Variants in SLCO1B1 observed in about 807,000 individuals in gnomAD.
The protein encoded by SLCO1B1 is OATP-2.
In SLCO1B1, 81 loss-of-function variants were observed where a neutral mutation model predicts 70.1. The observed-to-expected ratio is 1.16, with a 90% CI of 0.97 to 1.39. The LOEUF (loss-of-function observed/expected upper bound fraction) is 1.39, where lower values mean the gene tolerates loss of function less well. Ranked by LOEUF, SLCO1B1 falls within the 40% of genes most tolerant of loss-of-function variation. The pLI is 0.00. For missense variants in SLCO1B1, 895 were observed against 799.6 expected, an observed-to-expected ratio of 1.12 and a Z score of -1.44; for synonymous variants, 283 against 271.5, an observed-to-expected ratio of 1.04 and a Z score of -0.42.
At chr12:21,229,350 C>T (rs1371592123) in intron 14 of SLCO1B1, among the ~76,000 whole-genome samples, 1 of 152,166 alleles carries the variant, frequency 6.6e-6, no homozygotes, top group Non-Finnish European at 1.5e-5. Flanking sequence ...CAGTATTATA[C>T]AAAGTAGTTT....
rs960742177 is a variant in SLCO1B1 at position 21,200,569 on chromosome 12, G to C, written c.1032G>C (p.Leu344Phe). The change falls in exon 9 of 15, where the codon TTG (leucine) becomes TTC (phenylalanine). Residue 344 changes from leucine to phenylalanine, a missense_variant. Coordinates refer to ENST00000256958, the MANE Select transcript of SLCO1B1 (RefSeq NM_006446.5). ...TNPLYVMFVL[L>F]TLLQVSSYIG... ...CCCTGTATGTTATGTTTGTGCTTTT[G>C]ACGTTGTTACAAGTAAGCAGCTATA... 49 of 1,607,412 alleles carry C rather than the reference G, an allele frequency of 3.0e-5. No homozygotes were observed. The highest frequency in any genetic ancestry group is 4.1e-5 in the Non-Finnish European group (48 of 1,175,976).
At chr12:21,225,985 A>G (rs1010686429) in intron 14 of SLCO1B1, among the ~76,000 whole-genome samples, 5 of 152,252 alleles carry the variant, frequency 3.3e-5, no homozygotes, top group Admixed American at 3.3e-4. Context: ...GTCTTTCAAT[A>G]GGTGAATGGA....
intron 4 of SLCO1B1, among the ~76,000 whole-genome samples, chr12:21,175,823 G>A (rs940269259): frequency 4.6e-5 from 7 of 151,500 alleles, no homozygotes; most frequent in African/African-American, 1.7e-4. Flanking sequence ...TTCATGAGTT[G>A]TATGGAAAAT....
chr12:21,162,150 C>T (rs1484722446), intron 2 of SLCO1B1, among the ~76,000 whole-genome samples: 1 of 151,774 alleles, frequency 6.6e-6, no homozygotes, highest in Non-Finnish European at 1.5e-5. Context: ...TATGAATATA[C>T]ATGTGTACTT....
At position 21,238,993 on chromosome 12, in the gene SLCO1B1, G is replaced by T. The variant is rs1317719180; in HGVS notation, c.1880G>T (p.Gly627Val). Residue 627 changes from glycine to valine, a missense_variant, in exon 15 of 15, where the codon GGC becomes GTC. Coordinates refer to ENST00000256958, the MANE Select transcript of SLCO1B1 (RefSeq NM_006446.5). ...NSTSFSRVYL[G>V]LSSMLRVSSL... ...TATTTCTACAGAAGGGTCTACTTGG[G>T]CTTGTCTTCAATGTTAAGAGTCTCA... is the stretch of plus-strand genomic sequence containing the variant. 6.4e-7 allele frequency: 1 copy of T among 1,571,130 alleles called. No homozygotes were observed. The highest frequency in any genetic ancestry group is 2.2e-5 in the East Asian group (1 of 44,478).
intron 7 of SLCO1B1, among the ~76,000 whole-genome samples, chr12:21,195,728 T>C (rs1941084083): frequency 6.6e-6 from 1 of 152,182 alleles, no homozygotes; most frequent in Non-Finnish European, 1.5e-5. Context: ...CCCTAAGCTA[T>C]GGGCCAGGAG....
rs372872774 is a variant in SLCO1B1 at position 21,168,734 on chromosome 12, G to T, written c.85-3916G>T. 9.2e-5 allele frequency among the ~76,000 whole-genome samples: 14 copies of T among 152,182 alleles called. No individual in the cohort carries two copies. The South Asian group carries it at 1.0e-3, about 11-fold the overall frequency. ...CCTTGACCCATTTTTAAATTGGGTT[G>T]TTCTTTGTTGTTGTTTCCTTGGAAA... is the stretch of plus-strand genomic sequence containing the variant. On this transcript the variant is annotated intron_variant, in intron 2 of 14. Coordinates refer to ENST00000256958, the MANE Select transcript of SLCO1B1 (RefSeq NM_006446.5).
chr12:21,153,337 G>A (rs1940498058), intron 2 of SLCO1B1, among the ~76,000 whole-genome samples: 1 of 152,022 alleles, frequency 6.6e-6, no homozygotes, highest in Admixed American at 6.6e-5. Context: ...AATTCATTGT[G>A]ATTGCTTGAT....
intron 7 of SLCO1B1, 148 bp from the exon 8 acceptor site, chr12:21,196,798 C>T: frequency 1.4e-6 from 1 of 732,550 alleles, no homozygotes; most frequent in Non-Finnish European, 2.3e-6. Flanking sequence ...TAGACTGATC[C>T]TAGTCTCAGA....
intron 13 of SLCO1B1, among the ~76,000 whole-genome samples, chr12:21,223,051 G>T (rs571259957): frequency 3.3e-5 from 5 of 152,246 alleles, no homozygotes; most frequent in Non-Finnish European, 7.4e-5. Flanking sequence ...TCTACCTTCA[G>T]TTTCAATGGA....
rs1940333241 is a variant in SLCO1B1 at position 21,143,063 on chromosome 12, A to G, written c.84+1405A>G. ...TTTAAAATAATATTTTCACTCACTT[A>G]AATTGTTAACATTGATATGTTGTTG... On this transcript the variant is annotated intron_variant, in intron 2 of 14. Transcript: ENST00000256958. Among the ~76,000 whole-genome samples the G allele has an allele frequency of 1.3e-5, 2 of 152,102 alleles. 1 individual carries two copies. Among genetic ancestry groups the G allele is most frequent in the South Asian group, 4.1e-4 (2 of 4,834 alleles).
intron 7 of SLCO1B1, among the ~76,000 whole-genome samples, chr12:21,180,492 G>A (rs1000691): frequency 0.091 from 13,834 of 152,052 alleles, 1,029 homozygotes; most frequent in South Asian, 0.27. Flanking sequence ...TGACAGAATG[G>A]CATGTTCTTA....
At chr12:21,159,152 A>C (rs1188651729) in intron 2 of SLCO1B1, among the ~76,000 whole-genome samples, 1 of 152,176 alleles carries the variant, frequency 6.6e-6, no homozygotes, top group Admixed American at 6.5e-5. Flanking sequence ...ATAAAGTGTT[A>C]TTGCATTTTC....
chr12:21,197,450 C>T (rs1160295709), intron 8 of SLCO1B1, among the ~76,000 whole-genome samples: 2 of 151,922 alleles, frequency 1.3e-5, no homozygotes, highest in Non-Finnish European at 2.9e-5. Flanking sequence ...TTTTTATGAG[C>T]CAAATAGTAA....
intron 1 of SLCO1B1, among the ~76,000 whole-genome samples, chr12:21,132,463 G>T (rs1160625916): frequency 6.6e-6 from 1 of 152,172 alleles, no homozygotes; most frequent in Non-Finnish European, 1.5e-5. Context: ...CAGTGTAAAA[G>T]TGTTCCTATT....
intron 14 of SLCO1B1, among the ~76,000 whole-genome samples, chr12:21,237,153 T>C (rs1205087806): frequency 6.6e-6 from 1 of 152,162 alleles, no homozygotes; most frequent in Admixed American, 6.5e-5. Flanking sequence ...AAATAGTCTA[T>C]ATGACTCTGA....
intron 6 of SLCO1B1, 34 bp downstream of exon 6, chr12:21,178,756 CT>C (rs778503729): frequency 2.5e-6 from 4 of 1,570,574 alleles, no homozygotes; most frequent in Non-Finnish European, 3.5e-6. Flanking sequence ...TGTATGATCA[CT>C]TTCCCTTTGT....
At chr12:21,147,126 G>T (rs1471739213) in intron 2 of SLCO1B1, among the ~76,000 whole-genome samples, 1 of 149,884 alleles carries the variant, frequency 6.7e-6, no homozygotes, top group South Asian at 2.1e-4. Context: ...GTTAAGAAGT[G>T]TTATGTTTTC....
At chr12:21,182,418 A>G (rs1940913371) in intron 7 of SLCO1B1, among the ~76,000 whole-genome samples, 1 of 152,184 alleles carries the variant, frequency 6.6e-6, no homozygotes, top group African/African-American at 2.4e-5. Flanking sequence ...GGCGCCCAAC[A>G]TCCAAGGCTC....
Sources: allele counts gnomAD v4.1 joint callset (sites outside exome capture counted in the v4.1 genomes callset), GRCh38; gene constraint gnomAD v4.1.1; transcripts MANE v1.5; gene names NCBI Gene and HGNC (gene_info 2026-07-23, HGNC 2026-07-21).